The following IGSF5 variants were observed in gnomAD, a reference collection of about 807,000 sequenced individuals.
IGSF5 encodes the protein immunoglobulin superfamily member 5, also known as immunoglobulin superfamily 5 like.
A neutral mutation model predicts 39.4 loss-of-function variants in IGSF5; 41 were observed. The observed-to-expected ratio is 1.04, with a 90% CI of 0.81 to 1.35. The LOEUF is 1.35. Among genes scored for constraint, IGSF5 ranks in the 40% most tolerant of loss-of-function variants. The probability of loss-of-function intolerance (pLI) is 0.00; values close to 1 mark genes in which losing one functional copy is unlikely to be tolerated. For missense variants in IGSF5, 487 were observed against 494.6 expected (o/e 0.98, Z 0.15); for synonymous variants, 183 against 175.3 (o/e 1.04, Z -0.34).
chr21:39,743,004 G>A (rs2079954619), upstream of IGSF5, among the ~76,000 whole-genome samples: 1 of 152,146 alleles, frequency 6.6e-6, no homozygotes, highest in African/African-American at 2.4e-5. Flanking sequence ...CTTCCTCAAT[G>A]CCTCCCTTAG....
At chr21:39,747,228 G>A (rs1300989078) in intron 2 of IGSF5, among the ~76,000 whole-genome samples, 2 of 152,204 alleles carry the variant, frequency 1.3e-5, no homozygotes, top group African/African-American at 4.8e-5. Flanking sequence ...CAGCAAGAGC[G>A]AATCAGAGAG....
chr21:39,723,324 A>G, the IGSF5 span, among the ~76,000 whole-genome samples: 5 of 152,184 alleles, frequency 3.3e-5, no homozygotes, highest in African/African-American at 1.2e-4. Context: ...ATTGCTTGCC[A>G]TGTGGGTGTC....
At chr21:39,782,286 C>T (rs922675887) in intron 5 of IGSF5, among the ~76,000 whole-genome samples, 7 of 152,110 alleles carry the variant, frequency 4.6e-5, no homozygotes, top group East Asian at 1.9e-4. Context: ...TGTAGCTTTC[C>T]GTTTTAGTGT....
chr21:39,742,609 A>T (rs569469512), upstream of IGSF5, among the ~76,000 whole-genome samples: 2 of 152,220 alleles, frequency 1.3e-5, no homozygotes, highest in Non-Finnish European at 2.9e-5. Context: ...TTCCCTTGAC[A>T]TAAGGGGCAT....
chr21:39,743,040 T>C (rs1270855640), upstream of IGSF5, among the ~76,000 whole-genome samples: 1 of 152,214 alleles, frequency 6.6e-6, no homozygotes, highest in African/African-American at 2.4e-5. Context: ...AGTAGGATTT[T>C]CTTCCTTTCC....
At chr21:39,716,914 G>A in the IGSF5 span, among the ~76,000 whole-genome samples, 1 of 152,118 alleles carries the variant, frequency 6.6e-6, no homozygotes. Flanking sequence ...GCTTTTTGAG[G>A]AATCACCACA....
At chr21:39,761,104 C>A (rs957935335) in intron 2 of IGSF5, among the ~76,000 whole-genome samples, 2 of 152,130 alleles carry the variant, frequency 1.3e-5, no homozygotes, top group Non-Finnish European at 2.9e-5. Context: ...TAAACCCATA[C>A]ACCTACAACC....
the IGSF5 span, among the ~76,000 whole-genome samples, chr21:39,716,520 CCCACTGTCTGCTGTTTCCTT>C: frequency 6.6e-6 from 1 of 152,180 alleles, no homozygotes; most frequent in Non-Finnish European, 1.5e-5. Flanking sequence ...TCAAGCAGAC[CCCACTGTCTGCTGTTTCCTT>C]CTTTGTGTTC....
chr21:39,745,099 G>T (rs546481005), upstream of IGSF5, among the ~76,000 whole-genome samples: 31 of 149,970 alleles, frequency 2.1e-4, no homozygotes, highest in African/African-American at 7.4e-4. Context: ...TTTACTCTTT[G>T]ACTTCCTTGG....
chr21:39,764,925 A>C (rs1004990688), intron 2 of IGSF5, among the ~76,000 whole-genome samples: 10 of 152,330 alleles, frequency 6.6e-5, no homozygotes, highest in Middle Eastern at 6.8e-3. Flanking sequence ...TCCCAGCCCC[A>C]CTGCTGTGAA....
chr21:39,782,726 G>A (rs1408647262), intron 5 of IGSF5, among the ~76,000 whole-genome samples: 2 of 152,130 alleles, frequency 1.3e-5, no homozygotes, highest in Non-Finnish European at 2.9e-5. Flanking sequence ...TCTTTGTGTG[G>A]TGAACATTTA....
At chr21:39,798,383 T>A (rs1205352809) in intron 8 of IGSF5, among the ~76,000 whole-genome samples, 1 of 152,198 alleles carries the variant, frequency 6.6e-6, no homozygotes, top group African/African-American at 2.4e-5. Context: ...CTACTGGGGT[T>A]GGTAGTGCCA....
intron 8 of IGSF5, among the ~76,000 whole-genome samples, chr21:39,794,907 C>T (rs1340204624): frequency 6.6e-6 from 1 of 152,128 alleles, no homozygotes. Context: ...TGGGATTCAG[C>T]TCAGTAACCT....
intron 3 of IGSF5, 25 bp from the exon 4 acceptor site, chr21:39,770,891 T>C (rs181594450): frequency 1.2e-4 from 173 of 1,427,074 alleles, no homozygotes; most frequent in Non-Finnish European, 1.6e-4. Flanking sequence ...ATGTCTTCAA[T>C]GTGTTTCTCT....
chr21:39,778,471 T>G (rs1404193719), intron 4 of IGSF5, among the ~76,000 whole-genome samples: 1 of 152,088 alleles, frequency 6.6e-6, no homozygotes, highest in East Asian at 1.9e-4. Flanking sequence ...GACTACTAGG[T>G]AAAATAAGAG....
the IGSF5 span, among the ~76,000 whole-genome samples, chr21:39,721,673 C>CCCTTCCTCCCTT: frequency 7.1e-6 from 1 of 140,832 alleles, no homozygotes; most frequent in Non-Finnish European, 1.5e-5. Context: ...GGCCATCTGT[C>CCCTTCCTCCCTT]CCTTCCTTCC....
chr21:39,721,211 G>A, the IGSF5 span, among the ~76,000 whole-genome samples: 1 of 152,174 alleles, frequency 6.6e-6, no homozygotes, highest in Non-Finnish European at 1.5e-5. Flanking sequence ...CCTCCCAATA[G>A]CAATAGCATG....
At chr21:39,796,874 G>A (rs1234448789) in intron 8 of IGSF5, among the ~76,000 whole-genome samples, 1 of 152,176 alleles carries the variant, frequency 6.6e-6, no homozygotes, top group Non-Finnish European at 1.5e-5. Context: ...ATGGAGATGC[G>A]GCAGGCACAA....
chr21:39,793,648 T>C (rs1397983674), intron 8 of IGSF5, 35 bp downstream of exon 8: 2 of 1,556,984 alleles, frequency 1.3e-6, no homozygotes, highest in East Asian at 2.2e-5. Flanking sequence ...TTTGGACTTT[T>C]TTGGCTATTT....
Sources: allele counts gnomAD v4.1 joint callset (sites outside exome capture counted in the v4.1 genomes callset), GRCh38; gene constraint gnomAD v4.1.1; transcripts MANE v1.5; gene names NCBI Gene and HGNC (gene_info 2026-07-23, HGNC 2026-07-21).